ANK3: variants seen among roughly 807,000 people sequenced by gnomAD.
The protein encoded by ANK3 is ankyrin 3, also known as ankyrin-3.
ANK3 carries 57 observed loss-of-function variants against 370.9 expected under a neutral mutation model. The ratio of observed to expected loss-of-function variants is 0.15; its 90% CI spans 0.12 to 0.19. The LOEUF is 0.19. Ranked by LOEUF, ANK3 falls within the 10% of genes least tolerant of loss-of-function variation. The pLI is 1.00. For synonymous variants in ANK3, 1,929 were observed against 1,946.3 expected, an observed-to-expected ratio of 0.99 and a Z score of 0.23; for missense variants, 4,439 against 5,302.1, an observed-to-expected ratio of 0.84 and a Z score of 5.06.
intron 1 of ANK3, among the ~76,000 whole-genome samples, chr10:60,351,034 A>AT (rs5785440): frequency 0.7 from 105,961 of 151,870 alleles, 38,248 homozygotes; most frequent in South Asian, 0.91. Context: ...ATATTTCCTC[A>AT]TTTTTTTAAA....
intron 2 of ANK3, among the ~76,000 whole-genome samples, chr10:60,546,250 G>A (rs530416125): frequency 2.0e-5 from 3 of 152,190 alleles, no homozygotes; most frequent in East Asian, 1.9e-4. Flanking sequence ...TGCCCAGATT[G>A]GTCTCGAACT....
At chr10:60,121,700 A>C (rs2093486421) in intron 25 of ANK3, among the ~76,000 whole-genome samples, 1 of 152,038 alleles carries the variant, frequency 6.6e-6, no homozygotes, top group Admixed American at 6.6e-5. Flanking sequence ...CAAAAAAAAA[A>C]AAAAAAGTAT....
At chr10:60,521,691 GT>G (rs2076350864) in intron 2 of ANK3, among the ~76,000 whole-genome samples, 1 of 151,972 alleles carries the variant, frequency 6.6e-6, no homozygotes, top group African/African-American at 2.4e-5. Context: ...ATCATTTGTG[GT>G]TTCTTAGAAG....
At chr10:60,392,304 C>T (rs1188987972), upstream of ANK3, among the ~76,000 whole-genome samples, 1 of 152,166 alleles carries the variant, frequency 6.6e-6, no homozygotes, top group East Asian at 1.9e-4. Context: ...TATTCCTTGA[C>T]TAAAGTTTTA....
At position 60,531,367 on chromosome 10, in the gene ANK3, G is replaced by A. The variant is rs55962233; in HGVS notation, c.96+83819C>T. ...TTTAATTACAAAGGAGGTTCAGTGT[G>A]TATATATTTATATACATGTGCCTTT... On this transcript the variant is annotated intron_variant, in intron 2 of 43. Coordinates refer to the ANK3 transcript ENST00000373827. Among the ~76,000 whole-genome samples, 1,221 of 152,096 alleles carry A rather than the reference G, an allele frequency of 8.0e-3. 13 individuals carry two copies. The highest frequency in any genetic ancestry group is 0.028 in the African/African-American group (1,153 of 41,488).
At chr10:60,356,866 G>A (rs527687797) in intron 1 of ANK3, among the ~76,000 whole-genome samples, 3 of 152,158 alleles carry the variant, frequency 2.0e-5, no homozygotes, top group Admixed American at 6.5e-5. Context: ...GCACCACCAC[G>A]CCTGGCTAAT....
intron 1 of ANK3, among the ~76,000 whole-genome samples, chr10:60,355,699 C>T (rs574966393): frequency 3.2e-4 from 48 of 152,224 alleles, no homozygotes; most frequent in Middle Eastern, 3.4e-3. Context: ...CTTTGTTTGT[C>T]GATTATAAGG....
intron 2 of ANK3, among the ~76,000 whole-genome samples, chr10:60,410,936 A>T (rs2063546869): frequency 6.6e-6 from 1 of 152,052 alleles, no homozygotes; most frequent in South Asian, 2.1e-4. Flanking sequence ...TGCTTCCCAA[A>T]GTGCTGGAAT....
chr10:60,347,166 A>G (rs940924834), intron 1 of ANK3, among the ~76,000 whole-genome samples: 3 of 151,268 alleles, frequency 2.0e-5, no homozygotes, highest in African/African-American at 7.3e-5. Context: ...CAAAAATGTC[A>G]TGGTCTTCAA....
intron 1 of ANK3, among the ~76,000 whole-genome samples, chr10:60,622,133 G>A (rs1366746935): frequency 6.6e-6 from 1 of 152,152 alleles, no homozygotes; most frequent in African/African-American, 2.4e-5. Flanking sequence ...AGCTGTTGCA[G>A]ATGTTATCAA....
At chr10:60,413,426 T>G (rs1039307571) in intron 2 of ANK3, among the ~76,000 whole-genome samples, 2 of 152,210 alleles carry the variant, frequency 1.3e-5, no homozygotes, top group African/African-American at 2.4e-5. Flanking sequence ...AAATTTTTAT[T>G]ATACTGACAA....
chr10:60,491,761 G>A (rs2075512899), intron 2 of ANK3, among the ~76,000 whole-genome samples: 1 of 152,208 alleles, frequency 6.6e-6, no homozygotes, highest in African/African-American at 2.4e-5. Flanking sequence ...CTAGGAGCCA[G>A]ACTGCCTAAG....
Position 60,562,411 on chromosome 10 carries a change from G to A in ANK3, c.96+52775C>T, listed in dbSNP as rs144556513. Among the ~76,000 whole-genome samples, 530 of 151,976 alleles carry A rather than the reference G, an allele frequency of 3.5e-3. 3 individuals are homozygous for A. The highest frequency in any genetic ancestry group is 5.9e-3 in the Non-Finnish European group (399 of 67,984). ...TGTCTTAAGGGAGCATTTGTTTCGG[G>A]GGGGGCATCCGTGGGGTAGGGGGAT... On this transcript the variant is annotated intron_variant, in intron 2 of 43. Coordinates refer to the ANK3 transcript ENST00000373827.
chr10:60,315,392 G>A (rs2047193842), intron 1 of ANK3, among the ~76,000 whole-genome samples: 1 of 152,044 alleles, frequency 6.6e-6, no homozygotes, highest in Non-Finnish European at 1.5e-5. Flanking sequence ...GTAGATCACT[G>A]GTTAAATCCA....
chr10:60,610,266 C>T (rs2078183051), intron 2 of ANK3, among the ~76,000 whole-genome samples: 1 of 152,118 alleles, frequency 6.6e-6, no homozygotes, highest in Admixed American at 6.5e-5. Context: ...AATCCCAGCA[C>T]TTTGGGAGGC....
At chr10:60,140,139 G>T in intron 23 of ANK3, 1 of 572,728 alleles carries the variant, frequency 1.7e-6, no homozygotes, top group East Asian at 2.9e-5. Context: ...TCAGGAAACC[G>T]CAAGAGCTCA....
chr10:60,641,606 C>T (rs2078633789), intron 1 of ANK3, among the ~76,000 whole-genome samples: 1 of 151,836 alleles, frequency 6.6e-6, no homozygotes, highest in Admixed American at 6.6e-5. Flanking sequence ...GGATCCCTTC[C>T]TTACACCTTA....
intron 2 of ANK3, among the ~76,000 whole-genome samples, chr10:60,532,606 C>T (rs1034688069): frequency 1.3e-5 from 2 of 151,988 alleles, no homozygotes; most frequent in African/African-American, 2.4e-5. Flanking sequence ...TTGCGCTCTC[C>T]CAACTGCAGG....
intron 2 of ANK3, among the ~76,000 whole-genome samples, chr10:60,535,991 C>T (rs555790396): frequency 7.9e-5 from 12 of 151,576 alleles, no homozygotes; most frequent in African/African-American, 1.4e-4. Flanking sequence ...TTCAAGATTT[C>T]GATAACAATC....
Sources: allele counts gnomAD v4.1 joint callset (sites outside exome capture counted in the v4.1 genomes callset), GRCh38; gene constraint gnomAD v4.1.1; transcripts MANE v1.5; gene names NCBI Gene and HGNC (gene_info 2026-07-23, HGNC 2026-07-21).